LYPD6B: variants seen among roughly 807,000 people sequenced by gnomAD.
LYPD6B encodes LY6/PLAUR domain containing 6B, also known as ly6/PLAUR domain-containing protein 6B.
A neutral mutation model predicts 22.8 loss-of-function variants in LYPD6B; 17 were observed. The ratio of observed to expected loss-of-function variants is 0.75; its 90% confidence interval spans 0.51 to 1.12. The LOEUF is 1.12. LYPD6B is among the 50% of genes most tolerant of loss of function. The probability of loss-of-function intolerance (pLI) is 0.00; values close to 1 mark genes in which losing one functional copy is unlikely to be tolerated. For missense variants in LYPD6B, 221 were observed against 258.3 expected (o/e 0.86, Z 0.99); for synonymous variants, 106 against 91.6 (o/e 1.16, Z -0.90).
At position 149,176,899 on chromosome 2, in the gene LYPD6B, C is replaced by T. The variant is rs1040598379; in HGVS notation, c.77+16064C>T. Among the ~76,000 whole-genome samples, 6 of 152,164 alleles carry T rather than the reference C, an allele frequency of 3.9e-5. No homozygotes were observed. In the East Asian group the frequency reaches 7.7e-4, roughly 20 times the overall value. ...CAGCTATGCTTTAAACCAATAATAA[C>T]TCTGCTAAAAAGTGCCTCTCCCCAT... is the stretch of plus-strand genomic sequence containing the variant. On this transcript the variant is annotated intron_variant, in intron 3 of 6. Coordinates refer to ENST00000409642, the MANE Select transcript of LYPD6B (RefSeq NM_177964.5).
intron 3 of LYPD6B, among the ~76,000 whole-genome samples, chr2:149,176,235 T>A (rs370544106): frequency 6.6e-6 from 1 of 152,230 alleles, no homozygotes; most frequent in African/African-American, 2.4e-5. Context: ...CTGTTGTGTA[T>A]GCTGTTCATC....
intron 2 of LYPD6B, among the ~76,000 whole-genome samples, chr2:149,151,535 TTCTG>T (rs531628757): frequency 3.1e-4 from 47 of 152,276 alleles, no homozygotes; most frequent in Middle Eastern, 3.4e-3. Flanking sequence ...GTCTAAGTTA[TTCTG>T]TCTACTTTTT....
chr2:149,089,556 C>T (rs1685552229), intron 1 of LYPD6B, among the ~76,000 whole-genome samples: 1 of 152,106 alleles, frequency 6.6e-6, no homozygotes. Flanking sequence ...CTGATGTTAA[C>T]ATATTTTCAG....
intron 5 of LYPD6B, among the ~76,000 whole-genome samples, chr2:149,209,571 G>A (rs1048119161): frequency 6.6e-6 from 1 of 152,018 alleles, no homozygotes; most frequent in Non-Finnish European, 1.5e-5. Context: ...ACTGTTACCC[G>A]GAATCTTTTG....
intron 2 of LYPD6B, among the ~76,000 whole-genome samples, chr2:149,132,851 C>T (rs4667354): frequency 0.42 from 64,396 of 151,666 alleles, 13,836 homozygotes; most frequent in East Asian, 0.54. Context: ...TGTCCAAAGC[C>T]CTCAGTTTCT....
At chr2:149,170,647 T>C (rs1690754597) in intron 3 of LYPD6B, among the ~76,000 whole-genome samples, 2 of 152,220 alleles carry the variant, frequency 1.3e-5, no homozygotes, top group African/African-American at 4.8e-5. Flanking sequence ...GTAGGAGCTG[T>C]ATTTTGAAAC....
intron 3 of LYPD6B, among the ~76,000 whole-genome samples, chr2:149,178,232 T>C (rs912979606): frequency 1.3e-5 from 2 of 152,198 alleles, no homozygotes; most frequent in Non-Finnish European, 1.5e-5. Context: ...GCACAGCCTT[T>C]CCATGTGGAT....
At chr2:149,041,347 GA>G (rs1301132714) in intron 1 of LYPD6B, among the ~76,000 whole-genome samples, 4 of 152,156 alleles carry the variant, frequency 2.6e-5, no homozygotes, top group Non-Finnish European at 5.9e-5. Flanking sequence ...ATCCAAAGCA[GA>G]AAAAAGAAGG....
chr2:149,205,675 A>C (rs1693466732), intron 4 of LYPD6B, among the ~76,000 whole-genome samples: 1 of 152,226 alleles, frequency 6.6e-6, no homozygotes, highest in African/African-American at 2.4e-5. Context: ...ATCATGGCAT[A>C]GTAGAGGAAA....
chr2:149,189,355 TATATATATATATAC>T (rs1198493053), intron 3 of LYPD6B, among the ~76,000 whole-genome samples: 3 of 111,342 alleles, frequency 2.7e-5, no homozygotes, highest in South Asian at 3.9e-4. Context: ...TATATATATA[TATATATATATATAC>T]ACACACATAT....
At chr2:149,160,699 G>A (rs1171917538) in intron 2 of LYPD6B, 65 bp from the exon 3 acceptor site, 2 of 1,156,642 alleles carry the variant, frequency 1.7e-6, no homozygotes, top group African/African-American at 1.5e-5. Flanking sequence ...AAACATTCCA[G>A]TTGTTCAAGA....
At chr2:149,153,328 C>G (rs1389756422) in intron 2 of LYPD6B, among the ~76,000 whole-genome samples, 2 of 152,038 alleles carry the variant, frequency 1.3e-5, no homozygotes, top group Admixed American at 1.3e-4. Flanking sequence ...GGATTTGGGA[C>G]CCATTCTAGT....
rs568533334 is a variant in LYPD6B, at chr2:149,073,592, C to T, written c.-67+34791C>T. On this transcript the variant is annotated intron_variant, in intron 1 of 6. Transcript: ENST00000409642. ...TGCTGAGTAGAGCATTAGGAAGATC[C>T]GTTGTGCTGCTGAGGCCCCCTTTTC... Among the ~76,000 whole-genome samples the T allele has an allele frequency of 1.1e-3, 172 of 152,146 alleles. 1 individual carries two copies. Among genetic ancestry groups the T allele is most frequent in the African/African-American group, 3.3e-3 (138 of 41,494 alleles).
intron 1 of LYPD6B, among the ~76,000 whole-genome samples, chr2:149,128,471 G>C (rs10497049): frequency 0.22 from 32,968 of 152,130 alleles, 3,894 homozygotes; most frequent in Non-Finnish European, 0.27. Context: ...CCACATTACT[G>C]TTGAGCAGTT....
rs144849222 is a variant in LYPD6B, at chr2:149,129,623, C to G, written c.-66-1260C>G. ...GTTGTGTACTAGCCAACTGTATCTC[C>G]TTGGAGGAAGTGGTGAGGAGTTCTA... On this transcript the variant is annotated intron_variant, in intron 1 of 6. Coordinates refer to ENST00000409642, the MANE Select transcript of LYPD6B (RefSeq NM_177964.5). Among the ~76,000 whole-genome samples the G allele has an allele frequency of 3.3e-5, 5 of 152,304 alleles. No individual in the cohort carries two copies. In the East Asian group the frequency reaches 7.7e-4, roughly 24 times the overall value.
rs550866511 is a variant in LYPD6B at position 149,154,112 on chromosome 2, TCCCCCATC to T, written c.6-6645_6-6638del. On this transcript the variant is annotated intron_variant, in intron 2 of 6. Transcript: ENST00000409642. The stretch of plus-strand genomic sequence containing the variant: ...TTGAATATTATAGTGGATTTGTATT[TCCCCCATC>T]CCCCCACCCCCCAAAAAAATCCAAG... The T allele has an allele frequency of 1.2e-3, 903 of 757,912 alleles. 6 individuals carry two copies. Among genetic ancestry groups the T allele is most frequent in the Non-Finnish European group, 1.2e-3 (779 of 624,232 alleles). 46.9% of individuals were successfully genotyped at this position (757,912 alleles called of 1,614,324 possible).
intron 3 of LYPD6B, among the ~76,000 whole-genome samples, chr2:149,190,280 G>A (rs939589020): frequency 5.9e-5 from 9 of 152,094 alleles, no homozygotes; most frequent in Non-Finnish European, 1.3e-4. Context: ...GTGCACGCAC[G>A]TGCGTGTGTG....
At chr2:149,059,172 T>C (rs1272498787) in intron 1 of LYPD6B, among the ~76,000 whole-genome samples, 1 of 152,230 alleles carries the variant, frequency 6.6e-6, no homozygotes, top group East Asian at 1.9e-4. Flanking sequence ...CATGAGTCAC[T>C]TGCTAGCTCC....
At chr2:149,153,956 C>G (rs1395950145) in intron 2 of LYPD6B, 2 of 298,318 alleles carry the variant, frequency 6.7e-6, no homozygotes, top group Non-Finnish European at 4.9e-6. Flanking sequence ...CATTGGGGAG[C>G]AACAAGGTGA....
Sources: gnomAD v4.1 joint callset for allele counts (sites outside exome capture counted in the v4.1 genomes callset) on GRCh38, gnomAD v4.1.1 for gene constraint, MANE v1.5 for transcripts, NCBI Gene and HGNC (gene_info 2026-07-23, HGNC 2026-07-21) for gene names.